The following C8orf76 variants were observed in gnomAD, a reference collection of about 807,000 sequenced individuals.
C8orf76 encodes the protein uncharacterized protein C8orf76.
A neutral mutation model predicts 38.1 loss-of-function variants in C8orf76; 46 were observed. That is an observed-to-expected ratio of 1.21 (90% CI 0.95 to 1.54). The LOEUF is 1.54. C8orf76 is among the 40% of genes most tolerant of loss of function. C8orf76 has a pLI of 0.00. For missense variants in C8orf76, 461 were observed against 441.6 expected, an observed-to-expected ratio of 1.04 and a Z score of -0.39; for synonymous variants, 166 against 167.5, an observed-to-expected ratio of 0.99 and a Z score of 0.07.
intron 5 of C8orf76, among the ~76,000 whole-genome samples, chr8:123,222,894 G>A (rs1274005663): frequency 6.6e-6 from 1 of 152,166 alleles, no homozygotes; most frequent in African/African-American, 2.4e-5. Flanking sequence ...CATATTGCTA[G>A]AGGATATATA....
intron 3 of C8orf76, among the ~76,000 whole-genome samples, chr8:123,234,867 C>G (rs1342038218): frequency 6.6e-6 from 1 of 152,042 alleles, no homozygotes; most frequent in African/African-American, 2.4e-5. Context: ...GTGGCTGAGA[C>G]AGGTGAATTG....
Position 123,226,695 on chromosome 8 carries a change from C to A in C8orf76, c.816-63G>T, listed in dbSNP as rs530986938. 2.1e-4 allele frequency: 314 copies of A among 1,520,256 alleles called. 4 individuals are homozygous for A. The South Asian group carries it at 2.8e-3, about 13-fold the overall frequency. The allele number at this position is 1,520,256 out of a possible 1,614,324, so 94.2% of individuals were successfully genotyped here. A position where few individuals can be genotyped will look rare whatever the true frequency, so the allele number is the denominator to read the frequency against. ...CCCAACGCTTCCAGATAAAGGAAAGCCGCGAGGAAATGTTCAGAAAGCCCA... is the reference window on the plus strand; with the variant it reads ...CCCAACGCTTCCAGATAAAGGAAAGACGCGAGGAAATGTTCAGAAAGCCCA... On this transcript the variant is annotated intron_variant, in intron 4 of 5. Transcript: ENST00000276704.
intron 5 of C8orf76, among the ~76,000 whole-genome samples, chr8:123,221,425 G>A (rs902977164): frequency 6.6e-6 from 1 of 152,060 alleles, no homozygotes; most frequent in African/African-American, 2.4e-5. Flanking sequence ...CAAGATCCCC[G>A]TCCCTACAAA....
intron 1 of C8orf76, among the ~76,000 whole-genome samples, chr8:123,240,379 T>A (rs1008269416): frequency 1.3e-5 from 2 of 152,186 alleles, no homozygotes; most frequent in African/African-American, 4.8e-5. Context: ...AATTATCGAG[T>A]GCCTGGCATC....
Position 123,231,559 on chromosome 8 carries a change from C to T in C8orf76, c.556G>A (p.Ala186Thr), listed in dbSNP as rs144219967. 1.2e-6 allele frequency: 2 copies of T among 1,614,106 alleles called. No homozygotes were observed. The highest frequency in any genetic ancestry group is 1.7e-6 in the Non-Finnish European group (2 of 1,180,056). The change falls in exon 4 of 6, where the codon GCG becomes ACG. Residue 186 changes from alanine to threonine, a missense_variant. Ala to Thr is a moderately conservative substitution (Grantham distance 58). Coordinates refer to ENST00000276704, the MANE Select transcript of C8orf76 (RefSeq NM_032847.3). ...NLGPALSAAL[A>T]SSQKQHSFTS... Reference sequence around the variant, plus strand: ...AAACTGTGCTGTTTCTGAGATGACGCAAGTGCTGCTGAAAGAGCTGGCCCC... The same window carrying T: ...AAACTGTGCTGTTTCTGAGATGACGTAAGTGCTGCTGAAAGAGCTGGCCCC...
In C8orf76 at chr8:123,231,777, G is replaced by A. The variant is rs758525817; in HGVS notation, c.358-20C>T. On this transcript the variant is annotated intron_variant, in intron 3 of 5. Coordinates refer to ENST00000276704, the MANE Select transcript of C8orf76 (RefSeq NM_032847.3). ...ATTTTCCTAAGGAGAAAAAAAAAAG[G>A]TTAAGAAGTTTAAACTTCAAAGCAT... The A allele has an allele frequency of 1.3e-6, 2 of 1,537,300 alleles. No homozygotes were observed. Among genetic ancestry groups the A allele is most frequent in the Admixed American group, 2.2e-5 (1 of 45,744 alleles).
chr8:123,228,026 C>T (rs917947801), intron 4 of C8orf76, among the ~76,000 whole-genome samples: 4 of 152,090 alleles, frequency 2.6e-5, no homozygotes, highest in Non-Finnish European at 5.9e-5. Flanking sequence ...GCCTTCCACC[C>T]CAAATCGGCT....
Position 123,236,826 on chromosome 8 carries a change from G to A in C8orf76, c.357+972C>T, listed in dbSNP as rs571845976. The A allele has an allele frequency of 4.2e-5, 28 of 673,948 alleles. No homozygotes were observed. The East Asian group carries it at 4.9e-4, about 12-fold the overall frequency. The allele number at this position is 673,948 out of a possible 1,614,324, so 41.7% of individuals were successfully genotyped here. A position where few individuals can be genotyped will look rare whatever the true frequency, so the allele number is the denominator to read the frequency against. On this transcript the variant is annotated intron_variant, in intron 3 of 5. Transcript: ENST00000276704. ...AAGAAAAATTCCCTTTTTCTTCAGC[G>A]AGGCTGCCGAGCTCCAGATGCAGAG...
chr8:123,236,244 T>C (rs1825472220), intron 3 of C8orf76, among the ~76,000 whole-genome samples: 1 of 152,222 alleles, frequency 6.6e-6, no homozygotes, highest in South Asian at 2.1e-4. Flanking sequence ...TAGGCTGATC[T>C]GATCGCTGGG....
chr8:123,232,803 C>T lies in C8orf76; in HGVS notation c.358-1046G>A, dbSNP rs1183047881. On this transcript the variant is annotated intron_variant, in intron 3 of 5. Transcript: ENST00000276704. Reference sequence around the variant, plus strand: ...TACTATTGTTCAGCATCTGTCCTTCCCAACAGACCATTTAGCTCCATAAGA... The same window carrying T: ...TACTATTGTTCAGCATCTGTCCTTCTCAACAGACCATTTAGCTCCATAAGA... Among the ~76,000 whole-genome samples, 2 of 152,206 alleles carry T rather than the reference C, an allele frequency of 1.3e-5. 1 individual carries two copies. The highest frequency in any genetic ancestry group is 3.9e-4 in the East Asian group (2 of 5,178).
intron 4 of C8orf76, among the ~76,000 whole-genome samples, chr8:123,228,525 A>C (rs979960708): frequency 6.6e-6 from 1 of 152,122 alleles, no homozygotes; most frequent in Non-Finnish European, 1.5e-5. Context: ...AGGCTGAGGC[A>C]GGAGAATTGC....
At chr8:123,241,021 C>T (rs550816277) in intron 1 of C8orf76, among the ~76,000 whole-genome samples, 2 of 152,358 alleles carry the variant, frequency 1.3e-5, no homozygotes, top group South Asian at 4.1e-4. Context: ...AAGCCGCTTA[C>T]AACGCGGGGA....
chr8:123,233,366 G>A (rs1825347375), intron 3 of C8orf76, among the ~76,000 whole-genome samples: 2 of 151,682 alleles, frequency 1.3e-5, no homozygotes, highest in African/African-American at 4.8e-5. Context: ...TAGGGTGGAG[G>A]CTGTTACTCA....
At chr8:123,230,964 C>A (rs533005158) in intron 4 of C8orf76, among the ~76,000 whole-genome samples, 14 of 151,400 alleles carry the variant, frequency 9.2e-5, no homozygotes, top group Non-Finnish European at 1.3e-4. Context: ...GTTAACTTTT[C>A]AAAAAAAAAT....
rs748701593 is a variant in C8orf76 at position 123,226,484 on chromosome 8, C to T, written c.948+16G>A. ...TATGATGCTTCGTTTCACATAAACCCGAGGGATACACTCACCTCAGCTATC... is the reference window on the plus strand; with the variant it reads ...TATGATGCTTCGTTTCACATAAACCTGAGGGATACACTCACCTCAGCTATC... On this transcript the variant is annotated intron_variant, in intron 5 of 5. Transcript: ENST00000276704. 1.4e-5 allele frequency: 22 copies of T among 1,607,418 alleles called. No homozygotes were observed. The highest frequency in any genetic ancestry group is 1.7e-5 in the Admixed American group (1 of 57,798).
chr8:123,237,664 CCT>C lies in C8orf76; in HGVS notation c.357+132_357+133del, dbSNP rs202100393. ...TTCATCATAATAAAACTCTCACACCCCTGACAATTTTCTTCTGCTTATCCAAA... is the reference window on the plus strand; with the variant it reads ...TTCATCATAATAAAACTCTCACACCCGACAATTTTCTTCTGCTTATCCAAA... On this transcript the variant is annotated intron_variant, in intron 3 of 5. Transcript: ENST00000276704. 2.9e-4 allele frequency: 356 copies of C among 1,248,772 alleles called. 1 individual carries two copies. In the East Asian group the frequency reaches 9.2e-3, roughly 32 times the overall value. The allele number at this position is 1,248,772 out of a possible 1,614,324, so 77.4% of individuals were successfully genotyped here. A position where few individuals can be genotyped will look rare whatever the true frequency, so the allele number is the denominator to read the frequency against.
At chr8:123,239,979 C>G (rs1825626920) in intron 1 of C8orf76, 1 of 145,808 alleles carries the variant, frequency 6.9e-6, no homozygotes, top group Non-Finnish European at 1.5e-5. Context: ...GCAACAAACT[C>G]CACCTCAAAA....
At chr8:123,241,099 G>T in intron 1 of C8orf76, 131 bp downstream of exon 1, 2 of 899,894 alleles carry the variant, frequency 2.2e-6, no homozygotes, top group South Asian at 2.0e-5. Flanking sequence ...GGGACGGCGG[G>T]GGACGCGGCG....
chr8:123,235,149 G>A (rs1022748500), intron 3 of C8orf76, among the ~76,000 whole-genome samples: 81 of 152,254 alleles, frequency 5.3e-4, no homozygotes, highest in African/African-American at 1.9e-3. Context: ...CTACCAGAAA[G>A]CCATTTTCTT....
Sources: allele counts gnomAD v4.1 joint callset (sites outside exome capture counted in the v4.1 genomes callset), GRCh38; gene constraint gnomAD v4.1.1; transcripts MANE v1.5; gene names NCBI Gene and HGNC (gene_info 2026-07-23, HGNC 2026-07-21).